Variants in TIGAR observed in about 807,000 individuals in gnomAD.
TIGAR encodes fructose-2,6-bisphosphatase TIGAR.
Under a neutral mutation model 17.9 loss-of-function variants are expected in TIGAR, and 7 were observed. The observed-to-expected ratio is 0.39, with a 90% CI of 0.22 to 0.73. The LOEUF (loss-of-function observed/expected upper bound fraction) is 0.73. Ranked by LOEUF, TIGAR falls within the 30% of genes least tolerant of loss-of-function variation. The pLI is 0.42. For synonymous variants in TIGAR, 94 were observed against 108.6 expected, an observed-to-expected ratio of 0.87 and a Z score of 0.84; for missense variants, 258 against 327.4, an observed-to-expected ratio of 0.79 and a Z score of 1.64.
Position 4,354,758 on chromosome 12 carries a change from G to C in TIGAR, c.*2067G>C, listed in dbSNP as rs1278819546. ...CTTTTTTTTTTTTTTTGGAGACAGAGTCTCTCTCTGTTGCCCAGGCTGGGG... is the reference window on the plus strand; with the variant it reads ...CTTTTTTTTTTTTTTTGGAGACAGACTCTCTCTCTGTTGCCCAGGCTGGGG... On this transcript the variant is annotated 3_prime_UTR_variant, in exon 6 of 6. Coordinates refer to ENST00000179259, the MANE Select transcript of TIGAR (RefSeq NM_020375.3). Among the ~76,000 whole-genome samples, 5 of 144,320 alleles carry C rather than the reference G, an allele frequency of 3.5e-5. No homozygotes were observed. Among genetic ancestry groups the C allele is most frequent in the African/African-American group, 1.3e-4 (5 of 38,690 alleles). 94.7% of individuals were successfully genotyped at this position (144,320 alleles called of 152,430 possible).
rs189924278 is a variant in TIGAR at position 4,339,206 on chromosome 12, T to C, written c.192+2046T>C. On this transcript the variant is annotated intron_variant, in intron 3 of 5. Transcript: ENST00000179259. The stretch of plus-strand genomic sequence containing the variant: ...AAAGATCCAAATAGGTAATATCAGA[T>C]GAAAAAGGAGATATTACAACCAATA... Among the ~76,000 whole-genome samples, 643 of 152,056 alleles carry C rather than the reference T, an allele frequency of 4.2e-3. 1 individual carries two copies. The highest frequency in any genetic ancestry group is 0.014 in the African/African-American group (579 of 41,496).
At position 4,358,286 on chromosome 12, in the gene TIGAR, C is replaced by A. The variant is rs1383546173; in HGVS notation, c.*5595C>A. Among the ~76,000 whole-genome samples, 1 of 131,300 alleles carries A rather than the reference C, an allele frequency of 7.6e-6. No homozygotes were observed. Among genetic ancestry groups the A allele is most frequent in the African/African-American group, 3.4e-5 (1 of 29,522 alleles). The allele number at this position is 131,300 out of a possible 152,430, so 86.1% of individuals were successfully genotyped here. ...AAATACAAAAATTAGCTGGGCGTCTCCAAAAAAAAAAAAAAAGAAAAAGAA... is the reference window on the plus strand; with the variant it reads ...AAATACAAAAATTAGCTGGGCGTCTACAAAAAAAAAAAAAAAGAAAAAGAA... On this transcript the variant is annotated 3_prime_UTR_variant, in exon 6 of 6. Coordinates refer to ENST00000179259, the MANE Select transcript of TIGAR (RefSeq NM_020375.3).
chr12:4,347,765 TCACA>T (rs1187131437), intron 3 of TIGAR, among the ~76,000 whole-genome samples: 1 of 152,080 alleles, frequency 6.6e-6, no homozygotes, highest in East Asian at 1.9e-4. Context: ...GAAGTATAGA[TCACA>T]CACGGCTGAA....
In TIGAR at chr12:4,357,967, G is replaced by C. The variant is rs1432552894; in HGVS notation, c.*5276G>C. On this transcript the variant is annotated 3_prime_UTR_variant, in exon 6 of 6. Transcript: ENST00000179259. Reference sequence around the variant, plus strand: ...AAAATAGAAAAAATTAGCCAGGCCTGGTGGCCGGCGCCTGTAGTCCCAGCT... The same window carrying C: ...AAAATAGAAAAAATTAGCCAGGCCTCGTGGCCGGCGCCTGTAGTCCCAGCT... Among the ~76,000 whole-genome samples the C allele has an allele frequency of 6.6e-6, 1 of 152,032 alleles. No homozygotes were observed. Among genetic ancestry groups the C allele is most frequent in the African/African-American group, 2.4e-5 (1 of 41,370 alleles).
chr12:4,352,372 C>T lies in TIGAR; in HGVS notation c.494C>T (p.Ser165Phe). The change falls in exon 6 of 6, where the codon TCT becomes TTT. Residue 165 changes from serine (S) to phenylalanine (F), a missense_variant. Transcript: ENST00000179259. ...TCTCCAAGCAACTGTCTGGAAACTT[C>T]TTTGGCAGAGATATTTCCTTTAGGA... ...QGSPSNCLET[S>F]LAEIFPLGKN... 6.2e-7 allele frequency: 1 copy of T among 1,614,190 alleles called. No individual in the cohort carries two copies. The highest frequency in any genetic ancestry group is 8.5e-7 in the Non-Finnish European group (1 of 1,180,030).
Position 4,358,755 on chromosome 12 carries a change from A to G in TIGAR, c.*6064A>G, listed in dbSNP as rs12823931. On this transcript the variant is annotated 3_prime_UTR_variant, in exon 6 of 6. Transcript: ENST00000179259. ...TTTTTTTTTCTGAATCAAGAATCCA[A>G]TCAATCCAGGACTGTGTGTTGTGTT... 0.33 allele frequency among the ~76,000 whole-genome samples: 50,093 copies of G among 150,984 alleles called. 9,220 individuals are homozygous for G. The highest frequency in any genetic ancestry group is 0.41 in the Non-Finnish European group (27,651 of 67,690).
In TIGAR at chr12:4,321,395, C is replaced by T; in HGVS notation, c.32+92C>T. On this transcript the variant is annotated intron_variant, in intron 1 of 5. Coordinates refer to ENST00000179259, the MANE Select transcript of TIGAR (RefSeq NM_020375.3). This position sits in a 1 kb window ranked among gnomAD's most constrained non-coding sequence, Gnocchi z 5.2. ...GAAAACGGGTCCACCACCCTCTCCCCTCCCTGCTCGCTCCAGCCCGGGAGG... is the reference window on the plus strand; with the variant it reads ...GAAAACGGGTCCACCACCCTCTCCCTTCCCTGCTCGCTCCAGCCCGGGAGG... The T allele has an allele frequency of 6.4e-7, 1 of 1,554,294 alleles. No individual in the cohort carries two copies. The highest frequency in any genetic ancestry group is 8.7e-7 in the Non-Finnish European group (1 of 1,144,016).
At chr12:4,350,367 C>T (rs12823289) in intron 4 of TIGAR, among the ~76,000 whole-genome samples, 32,906 of 152,040 alleles carry the variant, frequency 0.22, 4,020 homozygotes, top group Admixed American at 0.28. Flanking sequence ...AAGTTGCCTT[C>T]CAGAAAACCT....
chr12:4,326,343 A>G (rs187056930), intron 1 of TIGAR, among the ~76,000 whole-genome samples: 2 of 152,356 alleles, frequency 1.3e-5, no homozygotes, highest in Admixed American at 1.3e-4. Flanking sequence ...TTTAGCCATC[A>G]AGTTTCCTTT....
At chr12:4,323,762 A>G (rs1277837535) in intron 1 of TIGAR, among the ~76,000 whole-genome samples, 2 of 152,188 alleles carry the variant, frequency 1.3e-5, no homozygotes, top group Admixed American at 6.5e-5. Context: ...AGTTATGACA[A>G]TAGTTTATTT....
chr12:4,343,464 A>AT (rs1864746953), intron 3 of TIGAR, among the ~76,000 whole-genome samples: 1 of 152,232 alleles, frequency 6.6e-6, no homozygotes, highest in South Asian at 2.1e-4. Flanking sequence ...TTATTCCAAA[A>AT]TTGACCACAT....
At position 4,359,098 on chromosome 12, in the gene TIGAR, T is replaced by G. The variant is rs887034433; in HGVS notation, c.*6407T>G. ...CTCTTTTAGCCTTTATTGTTTATTT[T>G]CTGACTCTGTTTTTTTTTTCTTTAG... On this transcript the variant is annotated 3_prime_UTR_variant, in exon 6 of 6. Coordinates refer to ENST00000179259, the MANE Select transcript of TIGAR (RefSeq NM_020375.3). Among the ~76,000 whole-genome samples the G allele has an allele frequency of 2.3e-5, 2 of 85,402 alleles. No individual in the cohort carries two copies. Among genetic ancestry groups the G allele is most frequent in the African/African-American group, 9.1e-5 (2 of 22,078 alleles). The allele number at this position is 85,402 out of a possible 152,430, so 56.0% of individuals were successfully genotyped here. A position where few individuals can be genotyped will look rare whatever the true frequency, so the allele number is the denominator to read the frequency against.
rs148733993 is a variant in TIGAR at position 4,339,534 on chromosome 12, C to T, written c.192+2374C>T. On this transcript the variant is annotated intron_variant, in intron 3 of 5. Coordinates refer to ENST00000179259, the MANE Select transcript of TIGAR (RefSeq NM_020375.3). ...AAAATAGAGGAGGAGGGAATACTTCCAAACTTATTCTGTGAGGCCAGTAGT... is the reference window on the plus strand; with the variant it reads ...AAAATAGAGGAGGAGGGAATACTTCTAAACTTATTCTGTGAGGCCAGTAGT... Among the ~76,000 whole-genome samples the T allele has an allele frequency of 2.6e-4, 40 of 152,278 alleles. No homozygotes were observed. In the East Asian group the frequency reaches 7.3e-3, roughly 28 times the overall value.
At chr12:4,338,725 A>G (rs1381173540) in intron 3 of TIGAR, among the ~76,000 whole-genome samples, 1 of 151,968 alleles carries the variant, frequency 6.6e-6, no homozygotes, top group African/African-American at 2.4e-5. Flanking sequence ...AAGAACAAGA[A>G]AAGCCACTTT....
At chr12:4,325,272 A>ATTTT (rs200528257) in intron 1 of TIGAR, among the ~76,000 whole-genome samples, 2 of 151,472 alleles carry the variant, frequency 1.3e-5, no homozygotes, top group Non-Finnish European at 2.9e-5. Context: ...AGCAAAACTG[A>ATTTT]TTTTTCTTAC....
At chr12:4,326,592 A>T (rs1864548935) in intron 1 of TIGAR, among the ~76,000 whole-genome samples, 1 of 152,232 alleles carries the variant, frequency 6.6e-6, no homozygotes, top group African/African-American at 2.4e-5. Context: ...CTCTGTTGAT[A>T]TATGGCTAAA....
chr12:4,350,096 C>G (rs993416070), intron 4 of TIGAR, among the ~76,000 whole-genome samples, 200 bp downstream of exon 4: 5 of 152,080 alleles, frequency 3.3e-5, no homozygotes, highest in Non-Finnish European at 7.4e-5. Context: ...AGACAAGCAT[C>G]TTAAGGTATA....
intron 1 of TIGAR, among the ~76,000 whole-genome samples, chr12:4,322,897 A>AG (rs1035911429): frequency 6.6e-6 from 1 of 152,118 alleles, no homozygotes; most frequent in Non-Finnish European, 1.5e-5. Context: ...CAGGAACTAG[A>AG]GGCCTGATCA....
intron 4 of TIGAR, among the ~76,000 whole-genome samples, chr12:4,350,195 C>T (rs573892973): frequency 2.0e-5 from 3 of 152,300 alleles, no homozygotes; most frequent in South Asian, 4.1e-4. Flanking sequence ...TTTATGTAAC[C>T]TAGCTACGCT....
Sources: gnomAD v4.1 joint callset for allele counts (sites outside exome capture counted in the v4.1 genomes callset) on GRCh38, gnomAD v4.1.1 for gene constraint, Gnocchi (gnomAD v3.1) non-coding constraint, MANE v1.5 for transcripts, NCBI Gene and HGNC (gene_info 2026-07-23, HGNC 2026-07-21) for gene names.